The following THEMIS variants were observed in gnomAD, a reference collection of about 807,000 sequenced individuals.
The protein encoded by THEMIS is protein THEMIS.
In THEMIS, 37 loss-of-function variants were observed where a neutral mutation model predicts 52.6. That is an observed-to-expected ratio of 0.70 (90% confidence interval 0.54 to 0.93). THEMIS has a LOEUF of 0.93. Ranked by LOEUF, THEMIS falls within the 40% of genes least tolerant of loss-of-function variation. THEMIS has a pLI of 0.00. For missense variants in THEMIS, 808 were observed against 763.1 expected (o/e 1.06, Z -0.69); for synonymous variants, 292 against 272.7 (o/e 1.07, Z -0.70).
At chr6:127,882,045 T>C (rs916687749) in intron 1 of THEMIS, among the ~76,000 whole-genome samples, 3 of 150,296 alleles carry the variant, frequency 2.0e-5, no homozygotes, top group African/African-American at 7.3e-5. Context: ...AAAAAAAAAC[T>C]CTTCAAACAA....
At position 127,807,644 on chromosome 6, in the gene THEMIS, C is replaced by T. The variant is rs922151842; in HGVS notation, c.1758+5239G>A. ...TTCTATATTACACGAAAAGGACCTA[C>T]CATGAGTAGAAAGGTGTGAGTGTTC... On this transcript the variant is annotated intron_variant, in intron 4 of 5. Transcript: ENST00000368248. 3.3e-5 allele frequency among the ~76,000 whole-genome samples: 5 copies of T among 152,268 alleles called. No individual in the cohort carries two copies. The South Asian group carries it at 8.3e-4, about 25-fold the overall frequency.
At chr6:127,738,623 A>G (rs2114262463) in intron 4 of THEMIS, among the ~76,000 whole-genome samples, 1 of 152,188 alleles carries the variant, frequency 6.6e-6, no homozygotes, top group South Asian at 2.1e-4. Context: ...TTTGCTTTGT[A>G]ATTCCCTGAG....
intron 2 of THEMIS, among the ~76,000 whole-genome samples, chr6:127,835,777 T>C (rs1350803529): frequency 6.6e-6 from 1 of 152,114 alleles, no homozygotes. Context: ...TTTCCACAGA[T>C]TTCACCAGCA....
intron 5 of THEMIS, among the ~76,000 whole-genome samples, chr6:127,713,321 C>G (rs1774045606): frequency 6.6e-6 from 1 of 151,838 alleles, no homozygotes; most frequent in Admixed American, 6.6e-5. Context: ...TATGTGTACT[C>G]CAGCAACTGT....
intron 4 of THEMIS, among the ~76,000 whole-genome samples, chr6:127,783,883 T>C (rs1417615443): frequency 6.6e-6 from 1 of 152,216 alleles, no homozygotes; most frequent in Non-Finnish European, 1.5e-5. Context: ...ATCCCATTAC[T>C]GGGTATATAC....
intron 1 of THEMIS, among the ~76,000 whole-genome samples, chr6:127,907,360 T>TTTTTTTTTTTTTTTTG (rs1781300457): frequency 8.2e-6 from 1 of 122,230 alleles, no homozygotes; most frequent in Non-Finnish European, 1.7e-5. Context: ...TTTTTTTTTT[T>TTTTTTTTTTTTTTTTG]TTTTTTGCAT....
At chr6:127,777,978 A>G (rs941482327) in intron 4 of THEMIS, among the ~76,000 whole-genome samples, 1 of 152,124 alleles carries the variant, frequency 6.6e-6, no homozygotes, top group African/African-American at 2.4e-5. Context: ...TCTACTTACT[A>G]TTACAAAGGC....
rs1054583892 is a variant in THEMIS at position 127,709,186 on chromosome 6, A to G, written c.*799T>C. On this transcript the variant is annotated 3_prime_UTR_variant, in exon 6 of 6. Coordinates refer to ENST00000368248, the MANE Select transcript of THEMIS (RefSeq NM_001010923.3). ...GCCAAATTTATTATATTACAATTTT[A>G]TTGTCTTTTTCTTTCCATCAAATAT... 1 of 152,018 alleles carries G rather than the reference A, an allele frequency of 6.6e-6. No homozygotes were observed. Among genetic ancestry groups the G allele is most frequent in the Admixed American group, 6.6e-5 (1 of 15,234 alleles). The allele number at this position is 152,018 out of a possible 1,614,324, so 9.4% of individuals were successfully genotyped here.
At chr6:127,736,009 A>G (rs1774992554) in intron 4 of THEMIS, among the ~76,000 whole-genome samples, 1 of 152,326 alleles carries the variant, frequency 6.6e-6, no homozygotes, top group African/African-American at 2.4e-5. Context: ...GCTGGTGGGC[A>G]CTAACACTGA....
intron 1 of THEMIS, among the ~76,000 whole-genome samples, chr6:127,862,142 G>C (rs1022550335): frequency 1.3e-5 from 2 of 151,986 alleles, no homozygotes; most frequent in Non-Finnish European, 1.5e-5. Context: ...TCCTGAAAAA[G>C]GAAAGTTATA....
At chr6:127,824,838 T>C (rs1778453096) in intron 3 of THEMIS, among the ~76,000 whole-genome samples, 1 of 152,048 alleles carries the variant, frequency 6.6e-6, no homozygotes, top group South Asian at 2.1e-4. Context: ...GGCAGGAGAA[T>C]GGCGTGAACC....
At chr6:127,915,785 G>A (rs939151401) in intron 1 of THEMIS, among the ~76,000 whole-genome samples, 5 of 152,002 alleles carry the variant, frequency 3.3e-5, no homozygotes, top group African/African-American at 9.7e-5. Flanking sequence ...TCAGAAGTTC[G>A]AGACCAGCCT....
At chr6:127,840,827 T>C (rs1442165722) in intron 2 of THEMIS, among the ~76,000 whole-genome samples, 1 of 151,962 alleles carries the variant, frequency 6.6e-6, no homozygotes, top group Non-Finnish European at 1.5e-5. Flanking sequence ...TATGTATTAG[T>C]AGGTGAAAGA....
chr6:127,849,522 C>T (rs1303761416), intron 2 of THEMIS, among the ~76,000 whole-genome samples: 1 of 151,776 alleles, frequency 6.6e-6, no homozygotes, highest in Non-Finnish European at 1.5e-5. Flanking sequence ...ACCAAAACAA[C>T]ATAGTACTTG....
chr6:127,805,855 A>G (rs535931117), intron 4 of THEMIS, among the ~76,000 whole-genome samples: 1 of 152,274 alleles, frequency 6.6e-6, no homozygotes, highest in South Asian at 2.1e-4. Context: ...TTCTAAAATA[A>G]ATTCACAATT....
intron 4 of THEMIS, among the ~76,000 whole-genome samples, chr6:127,761,079 A>G (rs1423663938): frequency 1.3e-5 from 2 of 152,190 alleles, no homozygotes; most frequent in Non-Finnish European, 2.9e-5. Flanking sequence ...AAAACTGATT[A>G]AAAATGGACT....
chr6:127,824,553 A>G (rs921449711), intron 3 of THEMIS, among the ~76,000 whole-genome samples: 3 of 152,172 alleles, frequency 2.0e-5, no homozygotes, highest in Non-Finnish European at 4.4e-5. Context: ...AGTAATCACA[A>G]AGCATTTGAT....
At chr6:127,817,072 C>A (rs1453627259) in intron 3 of THEMIS, among the ~76,000 whole-genome samples, 2 of 152,152 alleles carry the variant, frequency 1.3e-5, no homozygotes, top group African/African-American at 4.8e-5. Flanking sequence ...CACCCTTCAC[C>A]TTCTATCATT....
At chr6:127,866,949 T>TTTTATTTATTTATTTATTTA (rs10627698) in intron 1 of THEMIS, among the ~76,000 whole-genome samples, 12 of 145,776 alleles carry the variant, frequency 8.2e-5, no homozygotes, top group Admixed American at 5.5e-4. Context: ...TTTATTTTTA[T>TTTTATTTATTTATTTATTTA]TTTATTTATT....
Sources: allele counts gnomAD v4.1 joint callset (sites outside exome capture counted in the v4.1 genomes callset), GRCh38; gene constraint gnomAD v4.1.1; transcripts MANE v1.5; gene names NCBI Gene and HGNC (gene_info 2026-07-23, HGNC 2026-07-21).